The following SPNS3 variants were observed in gnomAD, a reference collection of about 807,000 sequenced individuals.
SPNS3 encodes protein spinster homolog 3.
Under a neutral mutation model 54.4 loss-of-function variants are expected in SPNS3, and 51 were observed. The observed-to-expected ratio is 0.94, with a 90% CI of 0.75 to 1.18. SPNS3 has a LOEUF of 1.18. Ranked by LOEUF, SPNS3 falls within the 50% of genes most tolerant of loss-of-function variation. SPNS3 has a pLI of 0.00. For synonymous variants in SPNS3, 309 were observed against 294.7 expected, an observed-to-expected ratio of 1.05 and a Z score of -0.50; for missense variants, 669 against 677.4, an observed-to-expected ratio of 0.99 and a Z score of 0.14.
chr17:4,477,701 C>G (rs1972040222), intron 8 of SPNS3, among the ~76,000 whole-genome samples: 1 of 152,256 alleles, frequency 6.6e-6, no homozygotes, highest in East Asian at 1.9e-4. Context: ...GCTGGTGACC[C>G]CAGACAAGCC....
chr17:4,486,249 C>T lies in SPNS3; in HGVS notation c.1201C>T (p.Arg401Trp), dbSNP rs374553278. The T allele has an allele frequency of 8.2e-5, 128 of 1,567,848 alleles. No homozygotes were observed. Among genetic ancestry groups the T allele is most frequent in the African/African-American group, 2.5e-4 (18 of 72,876 alleles). The change falls in exon 10 of 12, where the codon CGG becomes TGG. Residue 401 changes from arginine (R) to tryptophan (W), a missense_variant. Physicochemically the swap from Arg to Trp is moderately radical, Grantham distance 101 (BLOSUM62 -3). Coordinates refer to ENST00000355530, the MANE Select transcript of SPNS3 (RefSeq NM_182538.5). The surrounding 1 kb of genome is among the most constrained non-coding windows in gnomAD (Gnocchi z 5.5). ...ILLSVVVPRC[R>W]GTAEALQITV... ...GCAGTCTGTGGTGGTGCCCAGATGC[C>T]GGGGGACGGCAGAGGCACTTCAGAT...
Position 4,448,169 on chromosome 17 carries a change from G to C in SPNS3, c.636G>C (p.Leu212=). 6.3e-7 allele frequency: 1 copy of C among 1,594,248 alleles called. No individual in the cohort carries two copies. Among genetic ancestry groups the C allele is most frequent in the Middle Eastern group, 1.7e-4 (1 of 5,982 alleles). Residue 212 remains leucine, a synonymous_variant, in exon 6 of 12, where the codon CTG becomes CTC. Coordinates refer to ENST00000355530, the MANE Select transcript of SPNS3 (RefSeq NM_182538.5). ...WRWALRVMPC[L]EAVALILLIL... is the part of the protein sequence containing the mutation. Reference sequence around the variant, plus strand: ...CCTGTCCCCAGGTCATGCCCTGCCTGGAGGCCGTGGCCTTGATCCTGCTTA... The same window carrying C: ...CCTGTCCCCAGGTCATGCCCTGCCTCGAGGCCGTGGCCTTGATCCTGCTTA...
At chr17:4,437,788 C>CTTT (rs35523910) in intron 1 of SPNS3, among the ~76,000 whole-genome samples, 17 of 144,126 alleles carry the variant, frequency 1.2e-4, no homozygotes, top group South Asian at 1.1e-3. Context: ...ACAAAGATTT[C>CTTT]TTTTTTTTTT....
intron 3 of SPNS3, 46 bp downstream of exon 3, chr17:4,445,214 C>G: frequency 6.4e-7 from 1 of 1,560,190 alleles, no homozygotes; most frequent in Non-Finnish European, 8.7e-7. Flanking sequence ...CCCTTCCCCA[C>G]CTGCTTCCTC....
Position 4,483,119 on chromosome 17 carries a change from C to T in SPNS3, c.1180-3109C>T, listed in dbSNP as rs1194834179. Among the ~76,000 whole-genome samples, 1 of 152,240 alleles carries T rather than the reference C, an allele frequency of 6.6e-6. No homozygotes were observed. The highest frequency in any genetic ancestry group is 1.9e-4 in the East Asian group (1 of 5,196). On this transcript the variant is annotated intron_variant, in intron 9 of 11. Transcript: ENST00000355530. The surrounding 1 kb of genome is among the most constrained non-coding windows in gnomAD (Gnocchi z 4.2). ...TGCCCCCCAGGTAGCTGTCTGCTCA[C>T]TGGCCTGTCTCACCCTCTCAGGGGC...
chr17:4,456,390 A>T (rs2144086119), intron 8 of SPNS3, among the ~76,000 whole-genome samples: 1 of 152,354 alleles, frequency 6.6e-6, no homozygotes, highest in East Asian at 1.9e-4. Context: ...GGCACTGCTC[A>T]TCCCTTGTTC....
intron 8 of SPNS3, among the ~76,000 whole-genome samples, chr17:4,459,099 G>A (rs955379301): frequency 1.1e-4 from 16 of 152,028 alleles, no homozygotes; most frequent in Admixed American, 3.9e-4. Flanking sequence ...GCTTACCACC[G>A]TCTCTCCATG....
At chr17:4,481,884 C>CT (rs1398951234) in intron 9 of SPNS3, 83 of 46,110 alleles carry the variant, frequency 1.8e-3, no homozygotes, top group South Asian at 0.015. Context: ...CTCTCTCTCT[C>CT]TCTTTTTTTT....
chr17:4,475,119 AT>A (rs1193220315), intron 8 of SPNS3, among the ~76,000 whole-genome samples: 3 of 151,956 alleles, frequency 2.0e-5, no homozygotes, highest in Non-Finnish European at 2.9e-5. Flanking sequence ...AGCCAGGGAC[AT>A]TTATCATCAC....
chr17:4,463,738 GAA>G (rs113125706), intron 8 of SPNS3, among the ~76,000 whole-genome samples: 8 of 97,146 alleles, frequency 8.2e-5, no homozygotes, highest in Non-Finnish European at 8.7e-5. Flanking sequence ...ACTCCATCTC[GAA>G]AAAAAAAAAA....
intron 4 of SPNS3, chr17:4,446,490 TG>T: frequency 4.2e-6 from 2 of 480,316 alleles, no homozygotes; most frequent in South Asian, 6.1e-5. Flanking sequence ...GGGCCGGCTA[TG>T]GGAGGTAAGG....
rs1297420903 is a variant in SPNS3 at position 4,486,983 on chromosome 17, G to C, written c.1450+400G>C. On this transcript the variant is annotated intron_variant, in intron 11 of 11. Transcript: ENST00000355530. The surrounding 1 kb of genome is among the most constrained non-coding windows in gnomAD (Gnocchi z 5.5). ...GGTTAGGAGTTCAAGACCAGCCTGG[G>C]CAACATGGTGAAGCCCTGTCTCTAC... is the stretch of plus-strand genomic sequence containing the variant. 3.3e-5 allele frequency among the ~76,000 whole-genome samples: 5 copies of C among 151,838 alleles called. No homozygotes were observed. Among genetic ancestry groups the C allele is most frequent in the Admixed American group, 1.3e-4 (2 of 15,246 alleles).
chr17:4,444,981 C>A (rs923513675), intron 2 of SPNS3, 51 bp from the exon 3 acceptor site: 1 of 1,575,934 alleles, frequency 6.3e-7, no homozygotes, highest in Non-Finnish European at 8.6e-7. Flanking sequence ...GGGCCATCTG[C>A]CCTGCCACGG....
intron 8 of SPNS3, among the ~76,000 whole-genome samples, chr17:4,470,723 A>G (rs1410366078): frequency 6.6e-6 from 1 of 152,228 alleles, no homozygotes; most frequent in African/African-American, 2.4e-5. Flanking sequence ...TGTTTAATTT[A>G]TATGAATCCA....
rs145509116 is a variant in SPNS3 at position 4,486,547 on chromosome 17, G to A, written c.1414G>A (p.Glu472Lys). 5 of 1,613,180 alleles carry A rather than the reference G, an allele frequency of 3.1e-6. No homozygotes were observed. Among genetic ancestry groups the A allele is most frequent in the Non-Finnish European group, 4.2e-6 (5 of 1,179,776 alleles). Residue 472 changes from glutamate (E) to lysine (K), a missense_variant, in exon 11 of 12, where the codon GAG (glutamate) becomes AAG (lysine). Coordinates refer to ENST00000355530, the MANE Select transcript of SPNS3 (RefSeq NM_182538.5). This position sits in a 1 kb window ranked among gnomAD's most constrained non-coding sequence, Gnocchi z 5.5. ...GCFLLTALYL[E>K]RDETRAWQPV... ...CTTCCTGCTGACTGCGCTGTACCTGGAGAGAGACGAGACCCGGGCCTGGCA... is the reference window on the plus strand; with the variant it reads ...CTTCCTGCTGACTGCGCTGTACCTGAAGAGAGACGAGACCCGGGCCTGGCA...
Position 4,453,123 on chromosome 17 carries a change from T to C in SPNS3, c.1031T>C (p.Ile344Thr), listed in dbSNP as rs748113880. ...KKVIPGAEPL[I>T]CASSLLATAP... ...GTCATTCCAGGAGCTGAGCCCCTCA[T>C]CTGCGCCTCCAGCCTGCTTGCCACA... Residue 344 changes from isoleucine to threonine, a missense_variant, in exon 8 of 12, where the codon ATC becomes ACC. Physicochemically the swap from Ile to Thr is moderately conservative, Grantham distance 89 (BLOSUM62 -1). Coordinates refer to ENST00000355530, the MANE Select transcript of SPNS3 (RefSeq NM_182538.5). 3 of 1,614,096 alleles carry C rather than the reference T, an allele frequency of 1.9e-6. No homozygotes were observed. Among genetic ancestry groups the C allele is most frequent in the Non-Finnish European group, 1.7e-6 (2 of 1,180,000 alleles).
At chr17:4,444,183 C>T (rs1015604277) in intron 2 of SPNS3, among the ~76,000 whole-genome samples, 2 of 151,922 alleles carry the variant, frequency 1.3e-5, no homozygotes, top group African/African-American at 4.8e-5. Flanking sequence ...TCCTGGCTTC[C>T]TGGAATCATC....
At position 4,487,432 on chromosome 17, in the gene SPNS3, GC is replaced by G. The variant is rs1363680286; in HGVS notation, c.1451-372del. 3.9e-5 allele frequency among the ~76,000 whole-genome samples: 6 copies of G among 152,348 alleles called. No individual in the cohort carries two copies. The East Asian group carries it at 1.2e-3, about 29-fold the overall frequency. Reference sequence around the variant, plus strand: ...CAGTGGTAGGGGTGAGGGATACGGGGCCAGAGCAGGCAGTCCTTGTAAAGAC... The same window carrying G: ...CAGTGGTAGGGGTGAGGGATACGGGGCAGAGCAGGCAGTCCTTGTAAAGAC... On this transcript the variant is annotated intron_variant, in intron 11 of 11. Transcript: ENST00000355530.
intron 1 of SPNS3, among the ~76,000 whole-genome samples, chr17:4,434,807 CTT>C (rs774169793): frequency 7.4e-6 from 1 of 135,678 alleles, no homozygotes; most frequent in Non-Finnish European, 1.6e-5. Flanking sequence ...CGTGCCCGGC[CTT>C]TTTTTTTTTT....
Sources: allele counts gnomAD v4.1 joint callset (sites outside exome capture counted in the v4.1 genomes callset), GRCh38; gene constraint gnomAD v4.1.1; non-coding constraint Gnocchi (gnomAD v3.1); transcripts MANE v1.5; gene names NCBI Gene and HGNC (gene_info 2026-07-23, HGNC 2026-07-21).